Variants in KIF1A observed in about 807,000 individuals in gnomAD.
KIF1A encodes kinesin-like protein KIF1A.
KIF1A carries 46 observed loss-of-function variants against 227.3 expected under a neutral mutation model. The observed-to-expected ratio is 0.20, with a 90% CI of 0.16 to 0.26. KIF1A has a LOEUF of 0.26. Among genes scored for constraint, KIF1A ranks in the 10% least tolerant of loss-of-function variants. The pLI, the probability that KIF1A is intolerant of heterozygous loss-of-function variation, is 1.00. For synonymous variants in KIF1A, 1,022 were observed against 1,012.8 expected (o/e 1.01, Z -0.17); for missense variants, 1,683 against 2,485.9 (o/e 0.68, Z 6.87).
At chr2:240,770,690 C>A (rs536910147) in intron 15 of KIF1A, among the ~76,000 whole-genome samples, 2 of 152,348 alleles carry the variant, frequency 1.3e-5, no homozygotes, top group African/African-American at 4.8e-5. Flanking sequence ...TCCAGACACC[C>A]AGGTCTAGGG....
chr2:240,792,412 C>A lies in KIF1A; in HGVS notation c.107-3100G>T, dbSNP rs914574144. ...TCCCACCCCAGGCTCTGGCCAGGCC[C>A]CCAGAGCTGGGCCCCTCCAAGGCCG... On this transcript the variant is annotated intron_variant, in intron 2 of 48. Transcript: ENST00000498729. The surrounding 1 kb of genome is among the most constrained non-coding windows in gnomAD (Gnocchi z 4.5). Among the ~76,000 whole-genome samples the A allele has an allele frequency of 2.0e-5, 3 of 152,120 alleles. No homozygotes were observed. The highest frequency in any genetic ancestry group is 1.3e-4 in the Admixed American group (2 of 15,274).
At chr2:240,776,733 G>A (rs2052768363) in intron 10 of KIF1A, among the ~76,000 whole-genome samples, 1 of 152,224 alleles carries the variant, frequency 6.6e-6, no homozygotes, top group Non-Finnish European at 1.5e-5. Flanking sequence ...GGCAGATGAG[G>A]CCTCTGACCC....
At chr2:240,734,043 C>T (rs1200454756) in intron 38 of KIF1A, among the ~76,000 whole-genome samples, 1 of 152,194 alleles carries the variant, frequency 6.6e-6, no homozygotes. Flanking sequence ...CAACCTGAGT[C>T]TGGGACTCTA....
At position 240,789,605 on chromosome 2, in the gene KIF1A, C is replaced by T. The variant is rs540129477; in HGVS notation, c.107-293G>A. Among the ~76,000 whole-genome samples the T allele has an allele frequency of 1.3e-5, 2 of 152,316 alleles. No homozygotes were observed. The highest frequency in any genetic ancestry group is 2.4e-5 in the African/African-American group (1 of 41,582). The stretch of plus-strand genomic sequence containing the variant: ...CTGGCTCCCCTCAAAGGCAGCCACC[C>T]GGGGAGGATCCTTCCCACCTGCAAG... On this transcript the variant is annotated intron_variant, in intron 2 of 48. Coordinates refer to ENST00000498729, the MANE Select transcript of KIF1A (RefSeq NM_001244008.2). This position sits in a 1 kb window ranked among gnomAD's most constrained non-coding sequence, Gnocchi z 4.8.
intron 29 of KIF1A, among the ~76,000 whole-genome samples, 174 bp from the exon 30 acceptor site, chr2:240,746,351 G>A (rs191613643): frequency 1.3e-5 from 2 of 152,318 alleles, no homozygotes; most frequent in Non-Finnish European, 2.9e-5. Flanking sequence ...CACCTCCCCA[G>A]GTCTCAGTTT....
rs367999658 is a variant in KIF1A, at chr2:240,786,332, C to T, written c.608+3G>A. On this transcript the variant is annotated splice_donor_region_variant and intron_variant, in intron 6 of 48. Transcript: ENST00000498729. ...GGGAGGTCCAGTGAGTCCCTCCACC[C>T]ACCTGGCCTTGTTCCCTGAGTCCAT... 13 of 1,613,112 alleles carry T rather than the reference C, an allele frequency of 8.1e-6. No homozygotes were observed. Among genetic ancestry groups the T allele is most frequent in the Admixed American group, 3.3e-5 (2 of 59,986 alleles).
Position 240,736,300 on chromosome 2 carries a change from C to G in KIF1A, c.4007+763G>C, listed in dbSNP as rs535238352. Among the ~76,000 whole-genome samples, 1,068 of 152,244 alleles carry G rather than the reference C, an allele frequency of 7.0e-3. 4 individuals are homozygous for G. The highest frequency in any genetic ancestry group is 0.012 in the Non-Finnish European group (826 of 67,996). ...TTGTGCATCATGAGCCAGGTCGAGC[C>G]CCCAGGGAGCAGCCAGGACTGGACA... On this transcript the variant is annotated intron_variant, in intron 38 of 48. Coordinates refer to ENST00000498729, the MANE Select transcript of KIF1A (RefSeq NM_001244008.2). The surrounding 1 kb of genome is among the most constrained non-coding windows in gnomAD (Gnocchi z 4.7).
chr2:240,812,868 A>AGCCACACTCGGGGATCC (rs1559549858), intron 1 of KIF1A, among the ~76,000 whole-genome samples: 3 of 77,856 alleles, frequency 3.9e-5, no homozygotes, highest in African/African-American at 6.3e-5. Flanking sequence ...CTCGGGGATC[A>AGCCACACTCGGGGATCC]GCCTTCACTC....
chr2:240,813,968 A>G (rs2058141574), intron 1 of KIF1A, among the ~76,000 whole-genome samples: 1 of 152,210 alleles, frequency 6.6e-6, no homozygotes, highest in African/African-American at 2.4e-5. Flanking sequence ...GAGACAGAAC[A>G]TTTAGAAACG....
chr2:240,807,279 G>T (rs551872177), intron 1 of KIF1A, among the ~76,000 whole-genome samples: 6 of 151,858 alleles, frequency 4.0e-5, no homozygotes. Context: ...CCTAGTATGC[G>T]CCACTAGGCA....
At chr2:240,797,355 G>A (rs542246864) in intron 2 of KIF1A, among the ~76,000 whole-genome samples, 12 of 152,288 alleles carry the variant, frequency 7.9e-5, no homozygotes, top group East Asian at 1.9e-4. Context: ...ACCAGACCCC[G>A]GAGAAGGCAG....
At chr2:240,781,811 A>G (rs2126039952) in intron 10 of KIF1A, 1 of 985,010 alleles carries the variant, frequency 1.0e-6, no homozygotes, top group Admixed American at 6.1e-5. Context: ...GGTTCGCCAC[A>G]CCGTTCTCCA....
In KIF1A at chr2:240,740,029, C is replaced by A. The variant is rs199620150; in HGVS notation, c.3901+29G>T. On this transcript the variant is annotated intron_variant, in intron 37 of 48. Transcript: ENST00000498729. This position sits in a 1 kb window ranked among gnomAD's most constrained non-coding sequence, Gnocchi z 6.1. ...CTCTTCCCACCAGCTCAGCCCCACC[C>A]ACCAAGGCAGCCCCCACACCGCACT... is the stretch of plus-strand genomic sequence containing the variant. 18 of 1,548,370 alleles carry A rather than the reference C, an allele frequency of 1.2e-5. No homozygotes were observed. The Middle Eastern group carries it at 8.4e-4, about 72-fold the overall frequency.
intron 22 of KIF1A, 73 bp downstream of exon 22, chr2:240,762,946 G>A (rs377502986): frequency 1.2e-5 from 16 of 1,365,248 alleles, no homozygotes; most frequent in African/African-American, 7.2e-5. Context: ...AGGGAGGAGT[G>A]GGGGCGTGGG....
intron 15 of KIF1A, among the ~76,000 whole-genome samples, chr2:240,770,669 G>A (rs2051834879): frequency 6.6e-6 from 1 of 152,230 alleles, no homozygotes; most frequent in African/African-American, 2.4e-5. Context: ...CATGGGTAGG[G>A]GCACAGGCCA....
chr2:240,739,129 A>C lies in KIF1A; in HGVS notation c.3901+929T>G, dbSNP rs2047678418. ...CTGGTGTACCTGGAACCTCCTGTCTACAGTCCTGCACTGGGACACAAGGTG... is the reference window on the plus strand; with the variant it reads ...CTGGTGTACCTGGAACCTCCTGTCTCCAGTCCTGCACTGGGACACAAGGTG... On this transcript the variant is annotated intron_variant, in intron 37 of 48. Coordinates refer to ENST00000498729, the MANE Select transcript of KIF1A (RefSeq NM_001244008.2). This position sits in a 1 kb window ranked among gnomAD's most constrained non-coding sequence, Gnocchi z 5.6. 6.6e-6 allele frequency among the ~76,000 whole-genome samples: 1 copy of C among 152,196 alleles called. No individual in the cohort carries two copies. Among genetic ancestry groups the C allele is most frequent in the Non-Finnish European group, 1.5e-5 (1 of 68,028 alleles).
rs2126107109 is a variant in KIF1A, at chr2:240,790,692, G to A, written c.107-1380C>T. On this transcript the variant is annotated intron_variant, in intron 2 of 48. Transcript: ENST00000498729. This position sits in a 1 kb window ranked among gnomAD's most constrained non-coding sequence, Gnocchi z 5.0. The stretch of plus-strand genomic sequence containing the variant: ...ACGGGCCCTAATCTAGTGCTGCCAT[G>A]TCCTTATAAAAGAGGAGATTTGGAG... Among the ~76,000 whole-genome samples, 1 of 152,206 alleles carries A rather than the reference G, an allele frequency of 6.6e-6. No individual in the cohort carries two copies. Among genetic ancestry groups the A allele is most frequent in the South Asian group, 2.1e-4 (1 of 4,812 alleles).
Position 240,717,271 on chromosome 2 carries a change from G to T in KIF1A, c.*93C>A. 1 of 1,280,064 alleles carries T rather than the reference G, an allele frequency of 7.8e-7. No homozygotes were observed. Among genetic ancestry groups the T allele is most frequent in the East Asian group, 2.3e-5 (1 of 42,776 alleles). The allele number at this position is 1,280,064 out of a possible 1,614,324, so 79.3% of individuals were successfully genotyped here. ...GGGTCGACCCGGTCGTGGGCTGTCT[G>T]GCAGGAGAGGGGCTGGGCGGCAGGT... On this transcript the variant is annotated 3_prime_UTR_variant, in exon 49 of 49. Transcript: ENST00000498729.
intron 15 of KIF1A, 84 bp downstream of exon 15, chr2:240,770,887 C>T: frequency 6.6e-7 from 1 of 1,516,630 alleles, no homozygotes; most frequent in Non-Finnish European, 9.0e-7. Context: ...GGGCTGTACC[C>T]AGGAGGGCAG....
Sources: gnomAD v4.1 joint callset for allele counts (sites outside exome capture counted in the v4.1 genomes callset) on GRCh38, gnomAD v4.1.1 for gene constraint, Gnocchi (gnomAD v3.1) non-coding constraint, MANE v1.5 for transcripts, NCBI Gene and HGNC (gene_info 2026-07-23, HGNC 2026-07-21) for gene names.